ASIC2: variants seen among roughly 807,000 people sequenced by gnomAD.
ASIC2 encodes acid sensing ion channel subunit 2.
A neutral mutation model predicts 57.3 loss-of-function variants in ASIC2; 25 were observed. The observed-to-expected ratio is 0.44, with a 90% CI of 0.32 to 0.61. The LOEUF is 0.61. ASIC2 is among the 20% of genes least tolerant of loss of function. The probability of loss-of-function intolerance (pLI) is 0.06; values close to 1 mark genes in which losing one functional copy is unlikely to be tolerated. For missense variants in ASIC2, 641 were observed against 738.1 expected (o/e 0.87, Z 1.52); for synonymous variants, 319 against 307.5 (o/e 1.04, Z -0.39).
At position 33,833,705 on chromosome 17, in the gene ASIC2, G is replaced by C. The variant is rs375145338; in HGVS notation, c.555+322273C>G. On this transcript the variant is annotated intron_variant, in intron 1 of 9. Transcript: ENST00000359872. ...TCTTGGCCTCTTCTTTCTGAGATTT[G>C]TGTTTGATATGTATGAAGGCATTAG... Among the ~76,000 whole-genome samples, 2 of 152,190 alleles carry C rather than the reference G, an allele frequency of 1.3e-5. 1 individual carries two copies. Among genetic ancestry groups the C allele is most frequent in the South Asian group, 4.1e-4 (2 of 4,828 alleles).
intron 1 of ASIC2, among the ~76,000 whole-genome samples, chr17:33,118,691 G>T (rs2092289983): frequency 1.3e-5 from 2 of 152,156 alleles, no homozygotes; most frequent in Non-Finnish European, 1.5e-5. Flanking sequence ...GGAGTCTAAG[G>T]TTCAGAGGGG....
intron 1 of ASIC2, among the ~76,000 whole-genome samples, chr17:33,283,064 C>T (rs776466784): frequency 6.6e-6 from 1 of 152,222 alleles, no homozygotes; most frequent in Non-Finnish European, 1.5e-5. Context: ...CCCAGCTAGG[C>T]CCTGGCCCTC....
chr17:33,808,683 T>C (rs1370481472), intron 1 of ASIC2, among the ~76,000 whole-genome samples: 37 of 152,170 alleles, frequency 2.4e-4, no homozygotes, highest in Admixed American at 2.4e-3. Context: ...CCTCTCTGAG[T>C]CTCTGTTTTC....
intron 1 of ASIC2, among the ~76,000 whole-genome samples, chr17:34,088,720 C>T (rs113754751): frequency 0.057 from 8,669 of 152,342 alleles, 393 homozygotes; most frequent in East Asian, 0.23. Flanking sequence ...GCTTTGTTTA[C>T]CTAAGCAAGC....
At chr17:33,387,921 A>T (rs1470381473) in intron 1 of ASIC2, among the ~76,000 whole-genome samples, 2 of 152,114 alleles carry the variant, frequency 1.3e-5, no homozygotes, top group African/African-American at 4.8e-5. Context: ...CTCTACTAAA[A>T]ATACAAAAAT....
intron 1 of ASIC2, among the ~76,000 whole-genome samples, chr17:33,387,651 G>A (rs923082578): frequency 3.3e-5 from 5 of 152,186 alleles, no homozygotes; most frequent in African/African-American, 1.2e-4. Context: ...TGGCAAAGAC[G>A]CTGCAGCTGT....
At chr17:33,272,291 C>T (rs895330007) in intron 1 of ASIC2, among the ~76,000 whole-genome samples, 1 of 152,172 alleles carries the variant, frequency 6.6e-6, no homozygotes, top group Non-Finnish European at 1.5e-5. Flanking sequence ...CTTTACCATC[C>T]CATTCCATCC....
chr17:33,455,476 A>T (rs1912416815), intron 1 of ASIC2, among the ~76,000 whole-genome samples: 1 of 152,224 alleles, frequency 6.6e-6, no homozygotes. Context: ...TTTACCTGGG[A>T]TAATAACCTC....
chr17:33,527,946 G>A (rs892580027), intron 1 of ASIC2, among the ~76,000 whole-genome samples: 1 of 152,118 alleles, frequency 6.6e-6, no homozygotes, highest in African/African-American at 2.4e-5. Context: ...TTTTCTGTAG[G>A]AAGAGGAGGA....
At chr17:33,299,895 G>C (rs1206711545) in intron 1 of ASIC2, among the ~76,000 whole-genome samples, 1 of 152,126 alleles carries the variant, frequency 6.6e-6, no homozygotes, top group Non-Finnish European at 1.5e-5. Flanking sequence ...TTCACTTTCA[G>C]CGGAGGAAGT....
intron 1 of ASIC2, among the ~76,000 whole-genome samples, chr17:33,959,535 C>T (rs1904853115): frequency 6.6e-6 from 1 of 152,196 alleles, no homozygotes; most frequent in African/African-American, 2.4e-5. Context: ...CAGTCTGTTG[C>T]CAAAGGCCTG....
At chr17:33,649,662 T>C (rs1347689391) in intron 1 of ASIC2, among the ~76,000 whole-genome samples, 3 of 152,198 alleles carry the variant, frequency 2.0e-5, no homozygotes, top group Non-Finnish European at 2.9e-5. Context: ...CTGTGCAGTA[T>C]TGGTGGAGGA....
At chr17:33,547,267 T>C (rs545521410) in intron 1 of ASIC2, among the ~76,000 whole-genome samples, 1 of 151,778 alleles carries the variant, frequency 6.6e-6, no homozygotes, top group East Asian at 1.9e-4. Context: ...AGGGGGTGGG[T>C]CGGTCAATTG....
chr17:33,432,045 C>G (rs996555786), intron 1 of ASIC2, among the ~76,000 whole-genome samples: 7 of 152,062 alleles, frequency 4.6e-5, no homozygotes, highest in Non-Finnish European at 1.0e-4. Context: ...AAATGAAGAC[C>G]AAACTAGAAG....
intron 1 of ASIC2, among the ~76,000 whole-genome samples, chr17:33,909,436 G>T (rs566688639): frequency 6.6e-6 from 1 of 152,354 alleles, no homozygotes; most frequent in South Asian, 2.1e-4. Context: ...GATGCCTTCG[G>T]GTGAAGGTGT....
At chr17:33,200,791 A>G (rs1345036985) in intron 1 of ASIC2, among the ~76,000 whole-genome samples, 1 of 151,620 alleles carries the variant, frequency 6.6e-6, no homozygotes, top group Non-Finnish European at 1.5e-5. Flanking sequence ...AAATGACATC[A>G]CTCCTCTGCT....
At chr17:33,737,535 C>T (rs976530225) in intron 1 of ASIC2, among the ~76,000 whole-genome samples, 4 of 142,074 alleles carry the variant, frequency 2.8e-5, no homozygotes, top group African/African-American at 1.0e-4. Context: ...TAATTGTAAA[C>T]TGAGACCGCT....
intron 1 of ASIC2, among the ~76,000 whole-genome samples, chr17:33,872,138 G>A (rs1914430361): frequency 6.6e-6 from 1 of 152,184 alleles, no homozygotes; most frequent in Admixed American, 6.6e-5. Context: ...CCCCTCAGCA[G>A]AGAGGGGGTG....
intron 1 of ASIC2, among the ~76,000 whole-genome samples, chr17:33,557,959 A>T (rs561747550): frequency 4.9e-4 from 75 of 152,230 alleles, no homozygotes; most frequent in African/African-American, 1.7e-3. Context: ...CTCTGCAAAG[A>T]CTAATCTGTT....
Sources: gnomAD v4.1 joint callset for allele counts (sites outside exome capture counted in the v4.1 genomes callset) on GRCh38, gnomAD v4.1.1 for gene constraint, MANE v1.5 for transcripts, NCBI Gene and HGNC (gene_info 2026-07-23, HGNC 2026-07-21) for gene names.